Variants in WWOX observed in about 807,000 individuals in gnomAD.
WWOX encodes WW domain-containing oxidoreductase.
In WWOX, 69 loss-of-function variants were observed where a neutral mutation model predicts 46.2. The ratio of observed to expected loss-of-function variants is 1.49; its 90% CI spans 1.23 to 1.82. WWOX has a LOEUF of 1.82. Among genes scored for constraint, WWOX ranks in the 40% most tolerant of loss-of-function variants. The pLI is 0.00. For missense variants in WWOX, 919 were observed against 542.6 expected (o/e 1.69, Z -6.89); for synonymous variants, 359 against 202.6 (o/e 1.77, Z -6.56).
At chr16:78,953,266 C>G (rs2046099436) in intron 8 of WWOX, among the ~76,000 whole-genome samples, 1 of 151,170 alleles carries the variant, frequency 6.6e-6, no homozygotes, top group African/African-American at 2.4e-5. Flanking sequence ...TAATAGATTT[C>G]TAAAACAAAC....
intron 8 of WWOX, among the ~76,000 whole-genome samples, chr16:79,159,391 T>C (rs1427005547): frequency 6.6e-6 from 1 of 152,196 alleles, no homozygotes; most frequent in Non-Finnish European, 1.5e-5. Context: ...TGGCATGTCA[T>C]TTTCTAATGC....
At chr16:78,769,364 T>A (rs1159751397) in intron 8 of WWOX, among the ~76,000 whole-genome samples, 1 of 152,050 alleles carries the variant, frequency 6.6e-6, no homozygotes, top group East Asian at 1.9e-4. Context: ...CTCCGCCCCC[T>A]CTCTTCCCCT....
intron 8 of WWOX, among the ~76,000 whole-genome samples, chr16:79,078,648 C>G (rs993177653): frequency 2.0e-5 from 3 of 152,152 alleles, no homozygotes; most frequent in African/African-American, 4.8e-5. Context: ...TTCATAAGCA[C>G]TTGTTGAATT....
intron 6 of WWOX, among the ~76,000 whole-genome samples, chr16:78,390,496 C>A (rs978419661): frequency 2.6e-5 from 4 of 152,180 alleles, no homozygotes; most frequent in African/African-American, 7.2e-5. Flanking sequence ...ATAGAGACCT[C>A]TGTAGCACAA....
chr16:78,646,276 A>G (rs1227449089), intron 8 of WWOX, among the ~76,000 whole-genome samples: 1 of 152,032 alleles, frequency 6.6e-6, no homozygotes, highest in Non-Finnish European at 1.5e-5. Context: ...TGCTTCCCAA[A>G]GTGCTGGGAT....
intron 8 of WWOX, among the ~76,000 whole-genome samples, chr16:78,636,136 C>G (rs921574121): frequency 6.6e-5 from 10 of 152,068 alleles, no homozygotes; most frequent in Non-Finnish European, 1.2e-4. Context: ...GAGTTTCTGG[C>G]TCCAGTTTAA....
intron 8 of WWOX, among the ~76,000 whole-genome samples, chr16:78,578,614 TACAC>T (rs1044271614): frequency 5.3e-5 from 8 of 151,916 alleles, no homozygotes; most frequent in African/African-American, 9.7e-5. Context: ...CACACAAACA[TACAC>T]ACACGCACAC....
chr16:78,506,888 A>G (rs1367924727), intron 8 of WWOX, among the ~76,000 whole-genome samples: 1 of 151,622 alleles, frequency 6.6e-6, no homozygotes, highest in East Asian at 1.9e-4. Flanking sequence ...AATTTTTTGT[A>G]TTTTTAGTAG....
intron 5 of WWOX, among the ~76,000 whole-genome samples, chr16:78,179,417 C>G (rs758528575): frequency 6.6e-6 from 1 of 152,104 alleles, no homozygotes; most frequent in Non-Finnish European, 1.5e-5. Context: ...TTAACTTTCC[C>G]CACTTGACAG....
chr16:78,745,999 T>G (rs1239226114), intron 8 of WWOX, among the ~76,000 whole-genome samples: 2 of 152,086 alleles, frequency 1.3e-5, no homozygotes, highest in Non-Finnish European at 2.9e-5. Context: ...AGAAGGCTAC[T>G]GGGAAGGGCC....
intron 8 of WWOX, among the ~76,000 whole-genome samples, chr16:79,065,239 C>G (rs1392875912): frequency 6.6e-6 from 1 of 152,124 alleles, no homozygotes; most frequent in East Asian, 1.9e-4. Context: ...ACAGGTAAAA[C>G]CCAGTTCACT....
chr16:79,006,900 C>G (rs547913934), intron 8 of WWOX, among the ~76,000 whole-genome samples: 1 of 152,174 alleles, frequency 6.6e-6, no homozygotes, highest in Non-Finnish European at 1.5e-5. Flanking sequence ...TAGTTTTGCA[C>G]CCACTGGATG....
At chr16:79,161,099 C>T (rs2050477952) in intron 8 of WWOX, among the ~76,000 whole-genome samples, 1 of 152,184 alleles carries the variant, frequency 6.6e-6, no homozygotes, top group Non-Finnish European at 1.5e-5. Context: ...TATTGTTTAA[C>T]ACAGACCTCA....
chr16:78,804,627 C>T (rs1364728379), intron 8 of WWOX, among the ~76,000 whole-genome samples: 3 of 152,194 alleles, frequency 2.0e-5, no homozygotes, highest in South Asian at 4.1e-4. Flanking sequence ...ACATGTCAAG[C>T]AATGAGCCTT....
Position 78,304,677 on chromosome 16 carries a change from G to A in WWOX, c.517-82183G>A, listed in dbSNP as rs568001510. On this transcript the variant is annotated intron_variant, in intron 5 of 8. Transcript: ENST00000566780. ...TTTATTCAAGCATTCTTTGTTGATG[G>A]ATGTTAGGGTTGTATCCATTATTTT... is the stretch of plus-strand genomic sequence containing the variant. 2.0e-5 allele frequency among the ~76,000 whole-genome samples: 3 copies of A among 152,332 alleles called. No individual in the cohort carries two copies. The South Asian group carries it at 6.2e-4, about 32-fold the overall frequency.
rs779850881 is a variant in WWOX, at chr16:79,137,525, G to A, written c.1057-74083G>A. On this transcript the variant is annotated intron_variant, in intron 8 of 8. Coordinates refer to ENST00000566780, the MANE Select transcript of WWOX (RefSeq NM_016373.4). ...TCACTTGGAGTGACATGTTGGACCC[G>A]TGGCATTGTCCCGAGGCAACGTTGT... Among the ~76,000 whole-genome samples, 5 of 152,292 alleles carry A rather than the reference G, an allele frequency of 3.3e-5. No homozygotes were observed. The South Asian group carries it at 6.2e-4, about 19-fold the overall frequency.
chr16:79,201,645 C>T (rs1039900177), intron 8 of WWOX, among the ~76,000 whole-genome samples: 1 of 152,146 alleles, frequency 6.6e-6, no homozygotes, highest in East Asian at 1.9e-4. Flanking sequence ...AAAGTTTATG[C>T]GCTGCTTGGT....
chr16:78,477,556 G>A (rs1035047719), intron 8 of WWOX, among the ~76,000 whole-genome samples: 3 of 152,016 alleles, frequency 2.0e-5, no homozygotes, highest in East Asian at 1.9e-4. Flanking sequence ...TGTGTGATAG[G>A]ATTATGGAAA....
chr16:79,033,533 T>G (rs931343011), intron 8 of WWOX, among the ~76,000 whole-genome samples: 2 of 152,114 alleles, frequency 1.3e-5, no homozygotes, highest in African/African-American at 4.8e-5. Flanking sequence ...AGATTTCCCC[T>G]GGCCCTCACT....
Sources: allele counts gnomAD v4.1 joint callset (sites outside exome capture counted in the v4.1 genomes callset), GRCh38; gene constraint gnomAD v4.1.1; transcripts MANE v1.5; gene names NCBI Gene and HGNC (gene_info 2026-07-23, HGNC 2026-07-21).